The following MGAM variants were observed in gnomAD, a reference collection of about 807,000 sequenced individuals.
The protein encoded by MGAM is alpha-1,4-glucosidase.
MGAM carries 253 observed loss-of-function variants against 358.8 expected under a neutral mutation model. That is an observed-to-expected ratio of 0.71 (90% CI 0.64 to 0.78). The LOEUF is 0.78. Ranked by LOEUF, MGAM falls within the 30% of genes least tolerant of loss-of-function variation. The pLI, the probability that MGAM is intolerant of heterozygous loss-of-function variation, is 0.00. For missense variants in MGAM, 3,080 were observed against 3,432.6 expected, an observed-to-expected ratio of 0.90 and a Z score of 2.57; for synonymous variants, 1,105 against 1,227.1, an observed-to-expected ratio of 0.90 and a Z score of 2.08.
chr7:142,009,454 G>A (rs1805433665), intron 3 of MGAM, among the ~76,000 whole-genome samples: 1 of 152,060 alleles, frequency 6.6e-6, no homozygotes, highest in Non-Finnish European at 1.5e-5. Context: ...CACTCAAGCT[G>A]TACTCAATAG....
At position 142,065,801 on chromosome 7, in the gene MGAM, C is replaced by T. The variant is rs762602427; in HGVS notation, c.4740C>T (p.Phe1580=). Residue 1580 remains phenylalanine, a synonymous_variant, in exon 40 of 71, where the codon TTC becomes TTT. Coordinates refer to ENST00000475668, the MANE Select transcript of MGAM (RefSeq NM_001365693.1). ...RWMQLGAFYP[F]SRNHNTIGTR... ...TGCAGCTGGGGGCCTTTTACCCCTTCTCAAGAAACCACAATACCATTGGGA... is the reference window on the plus strand; with the variant it reads ...TGCAGCTGGGGGCCTTTTACCCCTTTTCAAGAAACCACAATACCATTGGGA... The T allele has an allele frequency of 2.6e-6, 4 of 1,556,202 alleles. No individual in the cohort carries two copies. Among genetic ancestry groups the T allele is most frequent in the Admixed American group, 3.4e-5 (2 of 58,434 alleles).
chr7:141,989,551 C>CTT (rs71166551), intron 2 of MGAM, among the ~76,000 whole-genome samples: 58 of 143,020 alleles, frequency 4.1e-4, no homozygotes, highest in Non-Finnish European at 2.2e-4. Flanking sequence ...GTTCTTCTTT[C>CTT]TTTTTTTTTT....
In MGAM at chr7:142,040,800, G is replaced by A. The variant is rs373524046; in HGVS notation, c.2452G>A (p.Gly818Ser). The A allele has an allele frequency of 2.2e-5, 36 of 1,612,998 alleles. No homozygotes were observed. The highest frequency in any genetic ancestry group is 1.6e-4 in the Middle Eastern group (1 of 6,080). ...GDKIGLHLRG[G>S]YIFPTQQPNT... ...CAAAATTGGACTTCACCTTCGAGGA[G>A]GCTACATCTTCCCCACACAGCAGCC... The change falls in exon 21 of 71, where the codon GGC (glycine) becomes AGC (serine). Residue 818 changes from glycine (G) to serine (S), a missense_variant. Physicochemically the swap from Gly to Ser is moderately conservative, Grantham distance 56. Transcript: ENST00000475668.
chr7:142,058,397 T>C (rs1045797683), intron 31 of MGAM, 69 bp downstream of exon 31: 1 of 1,600,006 alleles, frequency 6.2e-7, no homozygotes, highest in East Asian at 2.2e-5. Flanking sequence ...GGTTCATTTG[T>C]CTAATGTTTG....
Position 142,036,836 on chromosome 7 carries a change from C to T in MGAM, c.2090C>T (p.Ala697Val), listed in dbSNP as rs782329716. The change falls in exon 18 of 71, where the codon GCC becomes GTC. Residue 697 changes from alanine (A) to valine (V), a missense_variant. Physicochemically the swap from Ala to Val is moderately conservative, Grantham distance 64 (BLOSUM62 0). Around this residue, in one of 5 missense-constraint regions of MGAM, gnomAD observed 1,816 missense variants for 1,840.5 expected, o/e 0.99. Coordinates refer to ENST00000475668, the MANE Select transcript of MGAM (RefSeq NM_001365693.1). The part of the protein sequence containing the change: ...NGQGYKDQDP[A>V]SFGADSLLLN... ...ATTTCCTCCCAGGACCAGGATCCTG[C>T]CTCCTTTGGAGCTGACTCCCTGCTG... 5 of 1,613,248 alleles carry T rather than the reference C, an allele frequency of 3.1e-6. No homozygotes were observed. Among genetic ancestry groups the T allele is most frequent in the Non-Finnish European group, 3.4e-6 (4 of 1,179,520 alleles).
At chr7:142,022,140 G>A (rs1806522185) in intron 6 of MGAM, 128 bp from the exon 7 acceptor site, 1 of 864,172 alleles carries the variant, frequency 1.2e-6, no homozygotes, top group Admixed American at 3.0e-5. Flanking sequence ...AAATGTCACA[G>A]GAGGGCAAAT....
At chr7:142,060,702 C>T (rs1172048946) in intron 34 of MGAM, among the ~76,000 whole-genome samples, 2 of 152,064 alleles carry the variant, frequency 1.3e-5, no homozygotes, top group African/African-American at 4.8e-5. Flanking sequence ...CTGGGCGATA[C>T]CTCCTAGCAG....
intron 3 of MGAM, among the ~76,000 whole-genome samples, chr7:142,013,139 GA>G (rs1245916024): frequency 6.6e-5 from 10 of 151,316 alleles, no homozygotes; most frequent in African/African-American, 2.4e-4. Context: ...TTTTTTTTCA[GA>G]GTAGCATAAA....
intron 14 of MGAM, among the ~76,000 whole-genome samples, chr7:142,033,488 T>C (rs1807696456): frequency 6.6e-6 from 1 of 152,126 alleles, no homozygotes; most frequent in Non-Finnish European, 1.5e-5. Context: ...ACAGATTATA[T>C]CTTGATTGAG....
chr7:142,056,467 G>A (rs1487604460), intron 29 of MGAM, among the ~76,000 whole-genome samples: 1 of 152,096 alleles, frequency 6.6e-6, no homozygotes, highest in African/African-American at 2.4e-5. Context: ...TACCTATCGG[G>A]TACTCTGCTC....
intron 10 of MGAM, among the ~76,000 whole-genome samples, chr7:142,028,654 C>T (rs1396913101): frequency 2.6e-5 from 4 of 152,040 alleles, no homozygotes; most frequent in Non-Finnish European, 5.9e-5. Flanking sequence ...GGTCATTTTG[C>T]CATTGAAGCT....
chr7:142,045,161 T>C lies in MGAM; in HGVS notation c.2499-2624T>C, dbSNP rs1158215555. On this transcript the variant is annotated intron_variant, in intron 21 of 70. Coordinates refer to ENST00000475668, the MANE Select transcript of MGAM (RefSeq NM_001365693.1). ...TATTATATATCATATATGTGATATA[T>C]AATATATATATTATATAACATATAT... 2.1e-4 allele frequency among the ~76,000 whole-genome samples: 17 copies of C among 81,320 alleles called. 1 individual carries two copies. The highest frequency in any genetic ancestry group is 8.8e-4 in the African/African-American group (17 of 19,428). 53.3% of individuals were successfully genotyped at this position (81,320 alleles called of 152,430 possible).
rs143767485 is a variant in MGAM, at chr7:142,021,201, A to G, written c.558+118A>G. The stretch of plus-strand genomic sequence containing the variant: ...ACTGGATGTATTTTTCTATATTGCT[A>G]TTATTAATTAGCACCTGTATGTTAA... On this transcript the variant is annotated intron_variant, in intron 5 of 70. Transcript: ENST00000475668. 9.8e-5 allele frequency: 66 copies of G among 670,620 alleles called. No homozygotes were observed. In the African/African-American group the frequency reaches 1.0e-3, roughly 11 times the overall value. The allele number at this position is 670,620 out of a possible 1,614,324, so 41.5% of individuals were successfully genotyped here. A position where few individuals can be genotyped will look rare whatever the true frequency, so the allele number is the denominator to read the frequency against.
intron 3 of MGAM, among the ~76,000 whole-genome samples, chr7:142,015,145 A>G (rs1211526895): frequency 6.6e-6 from 1 of 152,054 alleles, no homozygotes. Context: ...ATTTTTCTGA[A>G]TACTAATATT....
chr7:142,011,977 G>A (rs1329983362), intron 3 of MGAM, among the ~76,000 whole-genome samples: 1 of 152,184 alleles, frequency 6.6e-6, no homozygotes, highest in African/African-American at 2.4e-5. Context: ...ATATTTCACA[G>A]AGTCGAGACT....
At chr7:142,029,982 G>A (rs1807322517) in intron 10 of MGAM, among the ~76,000 whole-genome samples, 1 of 152,198 alleles carries the variant, frequency 6.6e-6, no homozygotes, top group Non-Finnish European at 1.5e-5. Context: ...GTGGGAGAGA[G>A]ACAGTCTCTT....
At chr7:142,050,198 C>T (rs1002665062) in intron 22 of MGAM, 37 bp from the exon 23 acceptor site, 1 of 1,606,988 alleles carries the variant, frequency 6.2e-7, no homozygotes, top group Admixed American at 1.7e-5. Flanking sequence ...CTGAGGTGGG[C>T]AGGCCAGAAT....
rs560831364 is a variant in MGAM at position 142,052,314 on chromosome 7, T to C, written c.2826T>C (p.Ile942=). The change falls in exon 25 of 71, where the codon ATT becomes ATC. Residue 942 remains isoleucine (I), a synonymous_variant. Coordinates refer to ENST00000475668, the MANE Select transcript of MGAM (RefSeq NM_001365693.1). ...SNLKVAIITD[I]DLLLGEAYTV... ...TACAGGTTGCCATTATCACAGATATTGATCTTCTCCTGGGAGAAGCATACA... is the reference window on the plus strand; with the variant it reads ...TACAGGTTGCCATTATCACAGATATCGATCTTCTCCTGGGAGAAGCATACA... 191 of 1,606,260 alleles carry C rather than the reference T, an allele frequency of 1.2e-4. 4 individuals are homozygous for C. The South Asian group carries it at 2.0e-3, about 17-fold the overall frequency.
rs201881895 is a variant in MGAM, at chr7:142,027,236, A to G, written c.1095+9A>G. On this transcript the variant is annotated intron_variant, in intron 9 of 70. Coordinates refer to ENST00000475668, the MANE Select transcript of MGAM (RefSeq NM_001365693.1). The stretch of plus-strand genomic sequence containing the variant: ...TTCAAGAATATCTAGAGGTAAACTT[A>G]GGATGTCAAGATTATGACTCAGGAA... The G allele has an allele frequency of 3.0e-5, 47 of 1,579,552 alleles. No individual in the cohort carries two copies. In the East Asian group the frequency reaches 9.6e-4, roughly 32 times the overall value.
Sources: gnomAD v4.1 joint callset for allele counts (sites outside exome capture counted in the v4.1 genomes callset) on GRCh38, gnomAD v4.1.1 for gene constraint, gnomAD v4.1.1 regional missense constraint, MANE v1.5 for transcripts, NCBI Gene and HGNC (gene_info 2026-07-23, HGNC 2026-07-21) for gene names.